The following BNC2 variants were observed in gnomAD, a reference collection of about 807,000 sequenced individuals.
BNC2 encodes basonuclin zinc finger protein 2, also known as zinc finger protein basonuclin-2.
In BNC2, 20 loss-of-function variants were observed where a neutral mutation model predicts 76.3. The observed-to-expected ratio is 0.26, with a 90% CI of 0.18 to 0.38. The LOEUF (loss-of-function observed/expected upper bound fraction) is 0.38, where lower values mean the gene tolerates loss of function less well. Among genes scored for constraint, BNC2 ranks in the 10% least tolerant of loss-of-function variants. The probability of loss-of-function intolerance (pLI) is 1.00; values close to 1 mark genes in which losing one functional copy is unlikely to be tolerated. For missense variants in BNC2, 1,382 were observed against 1,399.8 expected (o/e 0.99, Z 0.20); for synonymous variants, 582 against 514.8 (o/e 1.13, Z -1.77).
intron 1 of BNC2, among the ~76,000 whole-genome samples, chr9:16,861,472 A>G (rs958713039): frequency 2.6e-5 from 4 of 151,452 alleles, no homozygotes; most frequent in Non-Finnish European, 5.9e-5. Context: ...TTAAAACTGC[A>G]TAATAAAAAG....
chr9:16,597,743 A>G (rs913315251), intron 3 of BNC2, among the ~76,000 whole-genome samples: 1 of 152,144 alleles, frequency 6.6e-6, no homozygotes, highest in African/African-American at 2.4e-5. Flanking sequence ...CATTTCCCCC[A>G]TAATCTTAAG....
intron 4 of BNC2, among the ~76,000 whole-genome samples, chr9:16,556,297 CA>C (rs989699125): frequency 2.6e-5 from 4 of 151,872 alleles, no homozygotes; most frequent in African/African-American, 9.7e-5. Flanking sequence ...TCTCCAAAAA[CA>C]AACAAACAAA....
chr9:16,567,146 G>A (rs1028454056), intron 4 of BNC2, among the ~76,000 whole-genome samples: 9 of 152,278 alleles, frequency 5.9e-5, no homozygotes, highest in African/African-American at 1.9e-4. Context: ...AAGGAACATG[G>A]TGGCTAAGCC....
intron 3 of BNC2, among the ~76,000 whole-genome samples, chr9:16,631,630 C>T (rs1048607012): frequency 1.3e-5 from 2 of 152,176 alleles, no homozygotes; most frequent in South Asian, 2.1e-4. Context: ...AATCATTTGG[C>T]AAATACTTAT....
At chr9:16,805,960 T>C (rs1045872176) in intron 1 of BNC2, among the ~76,000 whole-genome samples, 5 of 152,192 alleles carry the variant, frequency 3.3e-5, no homozygotes, top group South Asian at 2.1e-4. Context: ...TGAAATAGTT[T>C]GTGAAGCAAA....
intron 5 of BNC2, among the ~76,000 whole-genome samples, chr9:16,551,532 C>A (rs1818663456): frequency 6.6e-6 from 1 of 152,222 alleles, no homozygotes; most frequent in African/African-American, 2.4e-5. Flanking sequence ...ACAGCCAAAA[C>A]CAATTGTTTT....
intron 5 of BNC2, among the ~76,000 whole-genome samples, chr9:16,551,867 T>C (rs994473516): frequency 1.3e-5 from 2 of 152,136 alleles, no homozygotes; most frequent in Non-Finnish European, 2.9e-5. Context: ...AGAAAACTCT[T>C]AGAGCCCTTA....
chr9:16,669,001 C>G (rs945181215), intron 3 of BNC2, among the ~76,000 whole-genome samples: 1 of 152,064 alleles, frequency 6.6e-6, no homozygotes, highest in African/African-American at 2.4e-5. Flanking sequence ...GACCCCACCC[C>G]CCTCAAGACA....
At chr9:16,595,356 T>A (rs549204255) in intron 3 of BNC2, among the ~76,000 whole-genome samples, 1 of 152,226 alleles carries the variant, frequency 6.6e-6, no homozygotes, top group East Asian at 1.9e-4. Flanking sequence ...ATAATAATAG[T>A]GATATGATGA....
chr9:16,517,394 C>CT (rs749564717), intron 5 of BNC2, among the ~76,000 whole-genome samples: 9 of 152,086 alleles, frequency 5.9e-5, no homozygotes, highest in Non-Finnish European at 1.3e-4. Flanking sequence ...CAATATTTGC[C>CT]TTACAGTATT....
rs1032583563 is a variant in BNC2, at chr9:16,678,276, T to C, written c.330+49521A>G. ...TGTTTTCTTTCTTTTTCTTTTTTTTTTTTTTTTTTTTTTTTTTTTTGAGAC... is the reference window on the plus strand; with the variant it reads ...TGTTTTCTTTCTTTTTCTTTTTTTTCTTTTTTTTTTTTTTTTTTTTGAGAC... On this transcript the variant is annotated intron_variant, in intron 3 of 6. Transcript: ENST00000380672. Among the ~76,000 whole-genome samples the C allele has an allele frequency of 2.8e-4, 35 of 123,520 alleles. 1 individual carries two copies. Among genetic ancestry groups the C allele is most frequent in the Non-Finnish European group, 1.7e-4 (10 of 58,860 alleles). The allele number at this position is 123,520 out of a possible 152,430, so 81.0% of individuals were successfully genotyped here.
intron 3 of BNC2, among the ~76,000 whole-genome samples, chr9:16,633,397 T>G (rs879180627): frequency 6.6e-6 from 1 of 152,212 alleles, no homozygotes; most frequent in South Asian, 2.1e-4. Flanking sequence ...CTAAACTTCA[T>G]TTATGGCTAC....
Position 16,711,780 on chromosome 9 carries a change from T to G in BNC2, c.330+16017A>C, listed in dbSNP as rs114406173. Reference sequence around the variant, plus strand: ...CACTCAGTAAGAAACAATGAATACATGCATGAAAGGAAGGCAGGACAGAGT... The same window carrying G: ...CACTCAGTAAGAAACAATGAATACAGGCATGAAAGGAAGGCAGGACAGAGT... On this transcript the variant is annotated intron_variant, in intron 3 of 6. Transcript: ENST00000380672. Among the ~76,000 whole-genome samples, 1,473 of 152,316 alleles carry G rather than the reference T, an allele frequency of 9.7e-3. 16 individuals are homozygous for G. Among genetic ancestry groups the G allele is most frequent in the African/African-American group, 0.033 (1,377 of 41,564 alleles).
intron 5 of BNC2, among the ~76,000 whole-genome samples, chr9:16,447,254 A>G (rs1436787086): frequency 6.6e-6 from 1 of 152,122 alleles, no homozygotes; most frequent in Admixed American, 6.6e-5. Flanking sequence ...CCTTTAGGCT[A>G]AAGCAGATTT....
intron 2 of BNC2, 67 bp from the exon 3 acceptor site, chr9:16,728,064 A>C: frequency 8.3e-7 from 1 of 1,198,374 alleles, no homozygotes; most frequent in Non-Finnish European, 1.2e-6. Flanking sequence ...TGTAGTTAAG[A>C]AGCTGGCTGA....
At chr9:16,525,825 G>A (rs1421566357) in intron 5 of BNC2, among the ~76,000 whole-genome samples, 2 of 152,106 alleles carry the variant, frequency 1.3e-5, no homozygotes, top group Non-Finnish European at 2.9e-5. Context: ...TACATGCACA[G>A]ACTATTTCTA....
chr9:16,713,606 A>T (rs1563911439), intron 3 of BNC2, among the ~76,000 whole-genome samples: 1 of 152,146 alleles, frequency 6.6e-6, no homozygotes, highest in Non-Finnish European at 1.5e-5. Context: ...GGTTGGTGCC[A>T]CTGTCATGCC....
chr9:16,858,789 T>C (rs1183548572), intron 1 of BNC2, among the ~76,000 whole-genome samples: 1 of 151,122 alleles, frequency 6.6e-6, no homozygotes, highest in African/African-American at 2.4e-5. Context: ...GAGTTTGCAG[T>C]GAGCCAAGAT....
intron 5 of BNC2, among the ~76,000 whole-genome samples, chr9:16,521,566 T>C (rs533165924): frequency 9.9e-5 from 15 of 152,214 alleles, no homozygotes; most frequent in Non-Finnish European, 5.9e-5. Flanking sequence ...AAAAGAGTAA[T>C]GTACTCTTCT....
Sources: gnomAD v4.1 joint callset for allele counts (sites outside exome capture counted in the v4.1 genomes callset) on GRCh38, gnomAD v4.1.1 for gene constraint, MANE v1.5 for transcripts, NCBI Gene and HGNC (gene_info 2026-07-23, HGNC 2026-07-21) for gene names.